Variants in DOCK4 observed in about 807,000 individuals in gnomAD.
The protein encoded by DOCK4 is dedicator of cytokinesis protein 4.
A neutral mutation model predicts 268.1 loss-of-function variants in DOCK4; 97 were observed. That is an observed-to-expected ratio of 0.36 (90% CI 0.31 to 0.43). DOCK4 has a LOEUF of 0.43. DOCK4 is among the 20% of genes least tolerant of loss of function. DOCK4 has a pLI of 1.00. For missense variants in DOCK4, 2,145 were observed against 2,455.7 expected (o/e 0.87, Z 2.67); for synonymous variants, 954 against 887.2 (o/e 1.08, Z -1.34).
intron 1 of DOCK4, among the ~76,000 whole-genome samples, chr7:112,110,517 A>G (rs1288519781): frequency 6.6e-6 from 1 of 152,222 alleles, no homozygotes; most frequent in Non-Finnish European, 1.5e-5. Context: ...GGGCCTGTCC[A>G]GGGAGGAGCC....
intron 1 of DOCK4, among the ~76,000 whole-genome samples, chr7:112,118,388 A>G (rs1306033139): frequency 6.6e-6 from 1 of 152,192 alleles, no homozygotes. Flanking sequence ...CAAAAGAGAC[A>G]GGCAAGATGA....
chr7:111,802,487 T>C (rs1800376164), intron 30 of DOCK4, among the ~76,000 whole-genome samples: 1 of 152,072 alleles, frequency 6.6e-6, no homozygotes, highest in Non-Finnish European at 1.5e-5. Flanking sequence ...AAAAGGGGGA[T>C]GGAAGAGAGA....
intron 25 of DOCK4, among the ~76,000 whole-genome samples, chr7:111,836,206 T>C (rs1586132992): frequency 6.6e-6 from 1 of 152,016 alleles, no homozygotes; most frequent in African/African-American, 2.4e-5. Flanking sequence ...TAGAGCCTTT[T>C]TTTTTTTTTA....
At chr7:111,856,247 A>T (rs1805001776) in intron 23 of DOCK4, among the ~76,000 whole-genome samples, 1 of 152,204 alleles carries the variant, frequency 6.6e-6, no homozygotes, top group Admixed American at 6.5e-5. Context: ...GTTCAGAAAC[A>T]TAGTAAGAGA....
At chr7:111,869,481 C>T in intron 21 of DOCK4, 93 bp downstream of exon 21, 1 of 1,037,170 alleles carries the variant, frequency 9.6e-7, no homozygotes, top group African/African-American at 1.6e-5. Flanking sequence ...TACATCATCA[C>T]CCATTACTGT....
At chr7:111,863,665 T>A in intron 22 of DOCK4, 101 bp from the exon 23 acceptor site, 1 of 1,224,280 alleles carries the variant, frequency 8.2e-7, no homozygotes, top group South Asian at 1.6e-5. Context: ...TGTTTTTGAA[T>A]GGTAGGAATA....
At chr7:111,983,633 T>C (rs551692903) in intron 7 of DOCK4, among the ~76,000 whole-genome samples, 1 of 152,150 alleles carries the variant, frequency 6.6e-6, no homozygotes, top group African/African-American at 2.4e-5. Context: ...AACTGGACTT[T>C]AACTTACCAT....
intron 12 of DOCK4, among the ~76,000 whole-genome samples, chr7:111,929,559 T>A (rs1233529968): frequency 6.6e-6 from 1 of 152,194 alleles, no homozygotes; most frequent in African/African-American, 2.4e-5. Flanking sequence ...TTCTTATGAA[T>A]TATACCAACT....
intron 1 of DOCK4, among the ~76,000 whole-genome samples, chr7:112,127,304 G>T (rs558566618): frequency 1.3e-5 from 2 of 149,996 alleles, no homozygotes; most frequent in African/African-American, 4.9e-5. Context: ...GTAAACTATC[G>T]CAAGGACAAA....
chr7:112,162,182 G>C (rs1817189673), intron 1 of DOCK4, among the ~76,000 whole-genome samples: 1 of 152,182 alleles, frequency 6.6e-6, no homozygotes, highest in African/African-American at 2.4e-5. Flanking sequence ...CAAGAGAGCA[G>C]AGCTCTGGAG....
chr7:112,086,800 AG>A (rs1809132759), intron 1 of DOCK4, among the ~76,000 whole-genome samples: 1 of 152,146 alleles, frequency 6.6e-6, no homozygotes, highest in South Asian at 2.1e-4. Flanking sequence ...AAGCACATGT[AG>A]GGGAATTAAA....
intron 1 of DOCK4, among the ~76,000 whole-genome samples, chr7:112,057,512 C>T (rs1586733499): frequency 6.6e-6 from 1 of 151,452 alleles, no homozygotes; most frequent in East Asian, 1.9e-4. Flanking sequence ...GATGGCACCA[C>T]TGCACTCCAG....
In DOCK4 at chr7:111,750,460, T is replaced by A. The variant is rs373718390; in HGVS notation, c.4417-3017A>T. Among the ~76,000 whole-genome samples the A allele has an allele frequency of 3.3e-5, 5 of 152,212 alleles. 1 individual carries two copies. On this transcript the variant is annotated intron_variant, in intron 42 of 52. Coordinates refer to ENST00000428084, the MANE Select transcript of DOCK4 (RefSeq NM_001363540.2). ...GTCCCTGAGAAGCTTTACAACTAAC[T>A]CTCTGGAGTAGAAAATGGAATGTTT... is the stretch of plus-strand genomic sequence containing the variant.
chr7:111,956,385 T>C (rs1054789517), intron 8 of DOCK4, among the ~76,000 whole-genome samples: 1 of 152,188 alleles, frequency 6.6e-6, no homozygotes, highest in South Asian at 2.1e-4. Flanking sequence ...GTAAGTATAA[T>C]AAATCGTTCA....
chr7:111,952,864 T>TACAAAA (rs919076259), intron 8 of DOCK4, among the ~76,000 whole-genome samples: 4 of 152,252 alleles, frequency 2.6e-5, no homozygotes, highest in East Asian at 1.9e-4. Flanking sequence ...AAACCAATTT[T>TACAAAA]ACAAAAACAA....
chr7:111,840,922 G>T, intron 25 of DOCK4: 1 of 1,119,188 alleles, frequency 8.9e-7, no homozygotes, highest in Non-Finnish European at 1.2e-6. Flanking sequence ...CCAGAGAATG[G>T]ATTTTGTGAA....
Position 112,109,899 on chromosome 7 carries a change from C to T in DOCK4, c.37+96203G>A, listed in dbSNP as rs529074120. On this transcript the variant is annotated intron_variant, in intron 1 of 52. Coordinates refer to ENST00000428084, the MANE Select transcript of DOCK4 (RefSeq NM_001363540.2). ...AGCTGGGACTACAGGCGCCCGCCATCACGCCCGGCTAATTTTTTTGTGTTT... is the reference window on the plus strand; with the variant it reads ...AGCTGGGACTACAGGCGCCCGCCATTACGCCCGGCTAATTTTTTTGTGTTT... Among the ~76,000 whole-genome samples the T allele has an allele frequency of 2.8e-3, 415 of 150,072 alleles. 6 individuals are homozygous for T. Among genetic ancestry groups the T allele is most frequent in the Non-Finnish European group, 9.6e-4 (65 of 67,990 alleles).
intron 7 of DOCK4, among the ~76,000 whole-genome samples, chr7:111,981,142 A>T (rs888548264): frequency 6.6e-6 from 1 of 152,224 alleles, no homozygotes; most frequent in Non-Finnish European, 1.5e-5. Flanking sequence ...ACTGACTAGG[A>T]AGAAGTAAAA....
At chr7:111,808,962 A>T (rs1800872364) in intron 29 of DOCK4, 83 bp from the exon 30 acceptor site, 1 of 1,454,888 alleles carries the variant, frequency 6.9e-7, no homozygotes, top group South Asian at 1.2e-5. Context: ...ACAATCTATC[A>T]TTCTGAATTA....
Sources: allele counts gnomAD v4.1 joint callset (sites outside exome capture counted in the v4.1 genomes callset), GRCh38; gene constraint gnomAD v4.1.1; transcripts MANE v1.5; gene names NCBI Gene and HGNC (gene_info 2026-07-23, HGNC 2026-07-21).